The following PHLPP1 variants were observed in gnomAD, a reference collection of about 807,000 sequenced individuals.
The protein encoded by PHLPP1 is PH domain leucine-rich repeat-containing protein phosphatase 1.
In PHLPP1, 42 loss-of-function variants were observed where a neutral mutation model predicts 117.2. That is an observed-to-expected ratio of 0.36 (90% CI 0.28 to 0.46). The LOEUF is 0.46. Among genes scored for constraint, PHLPP1 ranks in the 20% least tolerant of loss-of-function variants. PHLPP1 has a pLI of 1.00. For missense variants in PHLPP1, 2,084 were observed against 2,241.9 expected, an observed-to-expected ratio of 0.93 and a Z score of 1.42; for synonymous variants, 1,042 against 970.7, an observed-to-expected ratio of 1.07 and a Z score of -1.37.
chr18:62,742,379 C>A (rs2122075358), intron 1 of PHLPP1, among the ~76,000 whole-genome samples: 1 of 152,186 alleles, frequency 6.6e-6, no homozygotes, highest in South Asian at 2.1e-4. Flanking sequence ...AAGATGCTCC[C>A]AGAATGCAAA....
At position 62,817,223 on chromosome 18, in the gene PHLPP1, T is replaced by C. The variant is rs376812200; in HGVS notation, c.1577-12812T>C. Among the ~76,000 whole-genome samples the C allele has an allele frequency of 1.4e-3, 220 of 152,330 alleles. 8 individuals carry two copies. In the South Asian group the frequency reaches 0.044, roughly 31 times the overall value. ...CCTCCCAAAGTGCTGGAATTGTAGGTGTGAGCCACCATGCCTGGCTCTGTG... is the reference window on the plus strand; with the variant it reads ...CCTCCCAAAGTGCTGGAATTGTAGGCGTGAGCCACCATGCCTGGCTCTGTG... On this transcript the variant is annotated intron_variant, in intron 1 of 16. Coordinates refer to ENST00000262719, the MANE Select transcript of PHLPP1 (RefSeq NM_194449.4).
At chr18:62,853,370 T>C (rs1176177629) in intron 3 of PHLPP1, among the ~76,000 whole-genome samples, 1 of 151,932 alleles carries the variant, frequency 6.6e-6, no homozygotes, top group Non-Finnish European at 1.5e-5. Flanking sequence ...TTTTTGTTCT[T>C]GTTTCGTTTT....
chr18:62,826,265 T>C, intron 1 of PHLPP1: 1 of 426,578 alleles, frequency 2.3e-6, no homozygotes, highest in Non-Finnish European at 4.7e-6. Flanking sequence ...ATTAAAATCC[T>C]GAATTCATGA....
At chr18:62,795,329 T>A (rs1913595570) in intron 1 of PHLPP1, among the ~76,000 whole-genome samples, 1 of 151,506 alleles carries the variant, frequency 6.6e-6, no homozygotes, top group Non-Finnish European at 1.5e-5. Flanking sequence ...ATACAAAAAA[T>A]TAGCTGGGAG....
chr18:62,748,254 T>G (rs999797143), intron 1 of PHLPP1, among the ~76,000 whole-genome samples: 4 of 151,708 alleles, frequency 2.6e-5, no homozygotes, highest in African/African-American at 4.8e-5. Context: ...TTTGTTTTTT[T>G]TTTTTTTGAG....
At chr18:62,879,404 ATGTGTGTGTGTGTG>A (rs61701836) in intron 4 of PHLPP1, among the ~76,000 whole-genome samples, 3 of 145,840 alleles carry the variant, frequency 2.1e-5, no homozygotes. Context: ...TATTCTGGAT[ATGTGTGTGTGTGTG>A]TGTGTGTGTG....
intron 1 of PHLPP1, among the ~76,000 whole-genome samples, chr18:62,729,314 G>C (rs1599016036): frequency 6.6e-6 from 1 of 152,182 alleles, no homozygotes; most frequent in African/African-American, 2.4e-5. Context: ...TTGTGTTGCA[G>C]AAGTTCCAAA....
intron 10 of PHLPP1, among the ~76,000 whole-genome samples, chr18:62,923,170 A>G (rs1909527238): frequency 6.6e-6 from 1 of 152,146 alleles, no homozygotes; most frequent in Non-Finnish European, 1.5e-5. Context: ...AGCCAGCTGC[A>G]TTTTTGAAAA....
intron 10 of PHLPP1, among the ~76,000 whole-genome samples, chr18:62,940,547 G>T (rs111496340): frequency 6.6e-6 from 1 of 151,590 alleles, no homozygotes; most frequent in African/African-American, 2.4e-5. Context: ...TGTATGTTTA[G>T]TAGAAACAGG....
At position 62,838,964 on chromosome 18, in the gene PHLPP1, C is replaced by A. The variant is rs1914984917; in HGVS notation, c.1899+55C>A. 1.7e-5 allele frequency: 27 copies of A among 1,597,590 alleles called. 1 individual carries two copies. In the South Asian group the frequency reaches 2.8e-4, roughly 17 times the overall value. ...TCAGCTTCTAGCTGGCTACAAAGTTCCTTTCTGCTTTAGCTGGGTCTAAAA... is the reference window on the plus strand; with the variant it reads ...TCAGCTTCTAGCTGGCTACAAAGTTACTTTCTGCTTTAGCTGGGTCTAAAA... On this transcript the variant is annotated intron_variant, in intron 3 of 16. Transcript: ENST00000262719.
chr18:62,829,913 A>G, intron 1 of PHLPP1, 122 bp from the exon 2 acceptor site: 1 of 624,728 alleles, frequency 1.6e-6, no homozygotes, highest in Non-Finnish European at 2.6e-6. Flanking sequence ...TATAAATTAG[A>G]TTGAATTTAT....
chr18:62,729,436 C>T (rs1177326073), intron 1 of PHLPP1, among the ~76,000 whole-genome samples: 2 of 152,186 alleles, frequency 1.3e-5, no homozygotes, highest in Non-Finnish European at 2.9e-5. Flanking sequence ...GTGGCTCATG[C>T]CTGTAATCCC....
chr18:62,943,832 TA>T (rs1910199604), intron 11 of PHLPP1, among the ~76,000 whole-genome samples: 1 of 152,198 alleles, frequency 6.6e-6, no homozygotes, highest in Non-Finnish European at 1.5e-5. Context: ...AATATGATGA[TA>T]ACATATTTAA....
intron 1 of PHLPP1, among the ~76,000 whole-genome samples, chr18:62,820,523 C>T (rs2144320673): frequency 6.6e-6 from 1 of 152,322 alleles, no homozygotes; most frequent in East Asian, 1.9e-4. Flanking sequence ...ATCATGGGGG[C>T]AGTTTCCCCG....
chr18:62,887,150 A>T (rs1457467842), intron 4 of PHLPP1, among the ~76,000 whole-genome samples: 1 of 152,174 alleles, frequency 6.6e-6, no homozygotes, highest in Non-Finnish European at 1.5e-5. Flanking sequence ...TGAGTGATAG[A>T]TATTTATTTA....
chr18:62,940,554 CAG>C (rs1440159778), intron 10 of PHLPP1, among the ~76,000 whole-genome samples: 4 of 151,656 alleles, frequency 2.6e-5, no homozygotes, highest in Non-Finnish European at 5.9e-5. Flanking sequence ...TTAGTAGAAA[CAG>C]GGTTTCACCA....
At chr18:62,896,295 G>GTTTT (rs11373740) in intron 6 of PHLPP1, among the ~76,000 whole-genome samples, 3 of 140,262 alleles carry the variant, frequency 2.1e-5, no homozygotes, top group Admixed American at 7.1e-5. Flanking sequence ...TGTTGTTCTT[G>GTTTT]TTTTTTTTTT....
intron 2 of PHLPP1, among the ~76,000 whole-genome samples, chr18:62,836,628 C>T (rs1201067065): frequency 6.6e-6 from 1 of 150,818 alleles, no homozygotes; most frequent in Non-Finnish European, 1.5e-5. Flanking sequence ...GGGTGTTTTC[C>T]TTCATTTTTT....
At chr18:62,850,671 T>G (rs545100088) in intron 3 of PHLPP1, among the ~76,000 whole-genome samples, 2 of 152,294 alleles carry the variant, frequency 1.3e-5, no homozygotes, top group South Asian at 4.2e-4. Flanking sequence ...ACTCTATTTT[T>G]TTGTTGTTAC....
Sources: allele counts gnomAD v4.1 joint callset (sites outside exome capture counted in the v4.1 genomes callset), GRCh38; gene constraint gnomAD v4.1.1; transcripts MANE v1.5; gene names NCBI Gene and HGNC (gene_info 2026-07-23, HGNC 2026-07-21).